Variants in ESRRG observed in about 807,000 individuals in gnomAD.
ESRRG encodes estrogen related receptor gamma.
In ESRRG, 13 loss-of-function variants were observed where a neutral mutation model predicts 44.0. That is an observed-to-expected ratio of 0.30 (90% confidence interval 0.19 to 0.47). The LOEUF (loss-of-function observed/expected upper bound fraction) is 0.47, where lower values mean the gene tolerates loss of function less well. Ranked by LOEUF, ESRRG falls within the 20% of genes least tolerant of loss-of-function variation. The probability of loss-of-function intolerance (pLI) is 1.00; values close to 1 mark genes in which losing one functional copy is unlikely to be tolerated. For synonymous variants in ESRRG, 215 were observed against 214.6 expected (o/e 1.00, Z -0.02); for missense variants, 395 against 580.6 (o/e 0.68, Z 3.29).
chr1:216,927,207 T>A (rs568477004), intron 2 of ESRRG, among the ~76,000 whole-genome samples: 2 of 152,320 alleles, frequency 1.3e-5, no homozygotes, highest in South Asian at 4.1e-4. Flanking sequence ...ATATACACTC[T>A]TCAAAGGCTC....
intron 2 of ESRRG, among the ~76,000 whole-genome samples, chr1:216,869,478 G>C (rs2096228055): frequency 6.6e-6 from 1 of 152,078 alleles, no homozygotes; most frequent in Non-Finnish European, 1.5e-5. Context: ...AAATCAGAAA[G>C]TATGATTCCT....
intron 1 of ESRRG, chr1:217,000,199 T>G (rs2076851055): frequency 6.6e-6 from 1 of 152,210 alleles, no homozygotes; most frequent in Admixed American, 6.6e-5. Context: ...TTGCTAGGGC[T>G]GCCATAATAA....
chr1:216,791,148 A>G (rs1052925642), intron 2 of ESRRG, among the ~76,000 whole-genome samples: 18 of 152,124 alleles, frequency 1.2e-4, no homozygotes, highest in African/African-American at 4.3e-4. Context: ...CTCATGTTGA[A>G]TTGTAATCCC....
At chr1:216,941,128 A>T (rs1479291024) in intron 1 of ESRRG, among the ~76,000 whole-genome samples, 1 of 152,074 alleles carries the variant, frequency 6.6e-6, no homozygotes, top group Admixed American at 6.6e-5. Context: ...AACCCTATTT[A>T]TTTTCTAGGA....
At chr1:216,523,271 G>A (rs948951605) in intron 5 of ESRRG, among the ~76,000 whole-genome samples, 2 of 151,986 alleles carry the variant, frequency 1.3e-5, no homozygotes, top group Admixed American at 6.6e-5. Context: ...ACCTTGACCC[G>A]CAGTTAAATA....
At chr1:217,110,321 C>T (rs1394731310) in intron 1 of ESRRG, among the ~76,000 whole-genome samples, 1 of 152,170 alleles carries the variant, frequency 6.6e-6, no homozygotes, top group Non-Finnish European at 1.5e-5. Context: ...GCTTTTTGGG[C>T]TTCCAAAATT....
chr1:216,664,716 A>C (rs1465424706), intron 2 of ESRRG, among the ~76,000 whole-genome samples: 1 of 150,740 alleles, frequency 6.6e-6, no homozygotes, highest in African/African-American at 2.4e-5. Context: ...AACAGAAAAT[A>C]ACCAAGCACT....
intron 2 of ESRRG, among the ~76,000 whole-genome samples, chr1:216,905,659 T>C (rs1577957000): frequency 6.6e-6 from 1 of 152,044 alleles, no homozygotes; most frequent in Non-Finnish European, 1.5e-5. Context: ...AGGAGCAGGG[T>C]TTGGAGATTA....
At chr1:216,885,024 T>C (rs2096495651) in intron 2 of ESRRG, among the ~76,000 whole-genome samples, 1 of 152,148 alleles carries the variant, frequency 6.6e-6, no homozygotes, top group Non-Finnish European at 1.5e-5. Context: ...CAGCTTGTAC[T>C]GGGTCCCTGA....
intron 5 of ESRRG, among the ~76,000 whole-genome samples, chr1:216,555,768 G>A (rs998885520): frequency 6.6e-6 from 1 of 152,092 alleles, no homozygotes; most frequent in African/African-American, 2.4e-5. Context: ...AATCAGAGGC[G>A]AAATCCTTGC....
intron 3 of ESRRG, among the ~76,000 whole-genome samples, chr1:216,616,955 T>G (rs910864739): frequency 1.3e-5 from 2 of 152,122 alleles, no homozygotes; most frequent in African/African-American, 4.8e-5. Context: ...CACCTCAGGG[T>G]TTTTTCTTCT....
At chr1:216,771,685 A>G (rs1375937941) in intron 2 of ESRRG, among the ~76,000 whole-genome samples, 2 of 152,088 alleles carry the variant, frequency 1.3e-5, no homozygotes, top group Admixed American at 6.6e-5. Context: ...ACCTAGAAAT[A>G]TTTTGAGGAA....
At chr1:216,929,481 T>C (rs1357555672) in intron 2 of ESRRG, among the ~76,000 whole-genome samples, 7 of 152,058 alleles carry the variant, frequency 4.6e-5, no homozygotes. Context: ...AGTGCGTGTG[T>C]GGAGGGGAGC....
chr1:216,922,452 T>C (rs1356356405), intron 2 of ESRRG, among the ~76,000 whole-genome samples: 1 of 152,102 alleles, frequency 6.6e-6, no homozygotes, highest in Non-Finnish European at 1.5e-5. Context: ...AGGATCATAT[T>C]TGTCCATGGG....
chr1:216,806,613 G>A (rs1193394789), intron 2 of ESRRG, among the ~76,000 whole-genome samples: 1 of 152,176 alleles, frequency 6.6e-6, no homozygotes, highest in Non-Finnish European at 1.5e-5. Context: ...GGCATAACGT[G>A]CAGGCTGCAA....
chr1:217,085,449 A>AT (rs199717375), intron 1 of ESRRG, among the ~76,000 whole-genome samples: 19 of 109,884 alleles, frequency 1.7e-4, no homozygotes, highest in Non-Finnish European at 2.9e-4. Context: ...CTGGAGAAAG[A>AT]TTTTTTTTTT....
chr1:216,534,017 A>G (rs889418812), intron 5 of ESRRG, among the ~76,000 whole-genome samples: 5 of 152,124 alleles, frequency 3.3e-5, no homozygotes, highest in African/African-American at 1.2e-4. Flanking sequence ...ATCAGGCCCA[A>G]ACAATATCCA....
intron 3 of ESRRG, among the ~76,000 whole-genome samples, chr1:216,593,273 T>C (rs2057966369): frequency 6.6e-6 from 1 of 152,242 alleles, no homozygotes; most frequent in South Asian, 2.1e-4. Context: ...GTTAATTGTT[T>C]TCTTTTTAAA....
chr1:216,922,879 AC>A (rs1209713616), intron 2 of ESRRG, among the ~76,000 whole-genome samples: 27 of 151,962 alleles, frequency 1.8e-4, no homozygotes, highest in Admixed American at 1.8e-3. Flanking sequence ...GGTATTTGAC[AC>A]CCCAGTCTTC....
Sources: gnomAD v4.1 joint callset for allele counts (sites outside exome capture counted in the v4.1 genomes callset) on GRCh38, gnomAD v4.1.1 for gene constraint, MANE v1.5 for transcripts, NCBI Gene and HGNC (gene_info 2026-07-23, HGNC 2026-07-21) for gene names.